Variants in SLC9A9 observed in about 807,000 individuals in gnomAD.
SLC9A9 encodes the protein sodium/hydrogen exchanger 9.
SLC9A9 carries 62 observed loss-of-function variants against 77.8 expected under a neutral mutation model. That is an observed-to-expected ratio of 0.80 (90% CI 0.65 to 0.98). SLC9A9 has a LOEUF of 0.98. SLC9A9 is among the 50% of genes least tolerant of loss of function. The probability of loss-of-function intolerance (pLI) is 0.00; values close to 1 mark genes in which losing one functional copy is unlikely to be tolerated. For synonymous variants in SLC9A9, 320 were observed against 283.5 expected, an observed-to-expected ratio of 1.13 and a Z score of -1.29; for missense variants, 775 against 774.9, an observed-to-expected ratio of 1.00 and a Z score of 0.00.
intron 4 of SLC9A9, among the ~76,000 whole-genome samples, chr3:143,703,365 A>T (rs537090605): frequency 2.6e-5 from 4 of 152,218 alleles, no homozygotes; most frequent in Admixed American, 6.5e-5. Flanking sequence ...AATATCAAGC[A>T]TCTTCTCTGA....
At chr3:143,734,607 A>T (rs1384788585) in intron 4 of SLC9A9, among the ~76,000 whole-genome samples, 2 of 151,670 alleles carry the variant, frequency 1.3e-5, no homozygotes, top group East Asian at 3.9e-4. Flanking sequence ...TGTGGCAAGC[A>T]CCTGTAGTCC....
At chr3:143,697,401 C>T (rs1048292457) in intron 4 of SLC9A9, among the ~76,000 whole-genome samples, 1 of 151,950 alleles carries the variant, frequency 6.6e-6, no homozygotes, top group Admixed American at 6.6e-5. Context: ...TAAATAATAG[C>T]CATAATAAAA....
intron 6 of SLC9A9, among the ~76,000 whole-genome samples, chr3:143,643,775 A>G (rs545186512): frequency 1.3e-5 from 2 of 152,176 alleles, no homozygotes; most frequent in African/African-American, 4.8e-5. Flanking sequence ...TTGTCCTCCA[A>G]CCACTTTCTT....
intron 8 of SLC9A9, among the ~76,000 whole-genome samples, chr3:143,564,058 T>C (rs2037129343): frequency 2.6e-5 from 4 of 152,234 alleles, no homozygotes; most frequent in Non-Finnish European, 5.9e-5. Context: ...AATGAAATTC[T>C]ACTTCAAGAA....
At chr3:143,768,323 A>C (rs903936717) in intron 4 of SLC9A9, among the ~76,000 whole-genome samples, 1 of 152,202 alleles carries the variant, frequency 6.6e-6, no homozygotes, top group African/African-American at 2.4e-5. Flanking sequence ...TTATTCTAAG[A>C]GTGTCATGTA....
intron 4 of SLC9A9, among the ~76,000 whole-genome samples, chr3:143,711,807 G>A (rs1934202695): frequency 6.6e-6 from 1 of 152,120 alleles, no homozygotes; most frequent in Non-Finnish European, 1.5e-5. Flanking sequence ...TCCAGCAACA[G>A]AAGTATCCGT....
At chr3:143,742,065 C>T (rs966368507) in intron 4 of SLC9A9, among the ~76,000 whole-genome samples, 4 of 152,030 alleles carry the variant, frequency 2.6e-5, no homozygotes, top group African/African-American at 9.7e-5. Context: ...AAGATTCTGA[C>T]CCTCCTTAAA....
intron 2 of SLC9A9, among the ~76,000 whole-genome samples, chr3:143,810,181 C>G (rs2008827095): frequency 6.6e-6 from 1 of 152,156 alleles, no homozygotes; most frequent in Admixed American, 6.5e-5. Flanking sequence ...ATGGCCCAGA[C>G]ATATATTTAC....
chr3:143,837,661 T>A (rs2009602512), intron 1 of SLC9A9, among the ~76,000 whole-genome samples: 1 of 152,316 alleles, frequency 6.6e-6, no homozygotes, highest in East Asian at 1.9e-4. Context: ...CATAGCCATA[T>A]GCTCAGGGGA....
chr3:143,771,521 G>A lies in SLC9A9; in HGVS notation c.533+23480C>T, dbSNP rs190676459. 2.0e-4 allele frequency among the ~76,000 whole-genome samples: 31 copies of A among 152,240 alleles called. No individual in the cohort carries two copies. In the East Asian group the frequency reaches 5.8e-3, roughly 28 times the overall value. Reference sequence around the variant, plus strand: ...CACACTCTGAAGTCACAGAGAGAAGGTGCCATGGGAGAAAGGTTAGAATCT... The same window carrying A: ...CACACTCTGAAGTCACAGAGAGAAGATGCCATGGGAGAAAGGTTAGAATCT... On this transcript the variant is annotated intron_variant, in intron 4 of 15. Coordinates refer to ENST00000316549, the MANE Select transcript of SLC9A9 (RefSeq NM_173653.4).
At chr3:143,685,293 T>C (rs60771374) in intron 5 of SLC9A9, among the ~76,000 whole-genome samples, 14,650 of 152,068 alleles carry the variant, frequency 0.096, 790 homozygotes, top group South Asian at 0.12. Context: ...TATTTATACT[T>C]GCAGCCCATA....
chr3:143,569,699 T>C (rs1418163856), intron 8 of SLC9A9, among the ~76,000 whole-genome samples: 4 of 152,070 alleles, frequency 2.6e-5, no homozygotes, highest in African/African-American at 9.7e-5. Flanking sequence ...TGCCAACCCC[T>C]TTCCCTTACC....
At chr3:143,452,007 A>C (rs565356351) in intron 12 of SLC9A9, among the ~76,000 whole-genome samples, 1 of 152,242 alleles carries the variant, frequency 6.6e-6, no homozygotes, top group South Asian at 2.1e-4. Flanking sequence ...GATACAGACA[A>C]TTTGAGTAAC....
chr3:143,450,206 AAAT>A (rs1239297027), intron 12 of SLC9A9, among the ~76,000 whole-genome samples: 2 of 136,526 alleles, frequency 1.5e-5, no homozygotes, highest in Admixed American at 1.6e-4. Context: ...ATAAATATAT[AAAT>A]AATAAGATAA....
At chr3:143,295,943 T>C (rs891843979) in intron 14 of SLC9A9, among the ~76,000 whole-genome samples, 1 of 152,096 alleles carries the variant, frequency 6.6e-6, no homozygotes, top group Non-Finnish European at 1.5e-5. Flanking sequence ...CCATACTTTC[T>C]GGTATTGTGG....
chr3:143,519,599 C>G (rs2036261822), intron 9 of SLC9A9, among the ~76,000 whole-genome samples: 1 of 152,134 alleles, frequency 6.6e-6, no homozygotes, highest in Non-Finnish European at 1.5e-5. Context: ...TTAACACCAT[C>G]ATTCTAGCTA....
chr3:143,825,197 G>A (rs2009268027), intron 2 of SLC9A9, among the ~76,000 whole-genome samples: 1 of 152,166 alleles, frequency 6.6e-6, no homozygotes, highest in African/African-American at 2.4e-5. Context: ...CTCCCCAAGA[G>A]TGTCCTAGTG....
At chr3:143,414,765 T>C (rs2034161508) in intron 12 of SLC9A9, among the ~76,000 whole-genome samples, 1 of 152,224 alleles carries the variant, frequency 6.6e-6, no homozygotes, top group African/African-American at 2.4e-5. Context: ...ATCACTACCA[T>C]GGCCTCTAAG....
At chr3:143,796,704 C>A in intron 3 of SLC9A9, 122 bp downstream of exon 3, 1 of 683,528 alleles carries the variant, frequency 1.5e-6, no homozygotes, top group Non-Finnish European at 2.5e-6. Flanking sequence ...ATCTGCATCA[C>A]AAATTTAAGA....
Sources: gnomAD v4.1 joint callset for allele counts (sites outside exome capture counted in the v4.1 genomes callset) on GRCh38, gnomAD v4.1.1 for gene constraint, MANE v1.5 for transcripts, NCBI Gene and HGNC (gene_info 2026-07-23, HGNC 2026-07-21) for gene names.